FYCO1: variants seen among roughly 807,000 people sequenced by gnomAD.
FYCO1 encodes the protein FYVE and coiled-coil domain-containing protein 1.
Under a neutral mutation model 165.1 loss-of-function variants are expected in FYCO1, and 122 were observed. That is an observed-to-expected ratio of 0.74 (90% CI 0.64 to 0.86). The LOEUF (loss-of-function observed/expected upper bound fraction) is 0.86, where lower values mean the gene tolerates loss of function less well. FYCO1 is among the 40% of genes least tolerant of loss of function. The pLI is 0.00. For missense variants in FYCO1, 1,702 were observed against 1,810.3 expected, an observed-to-expected ratio of 0.94 and a Z score of 1.09; for synonymous variants, 648 against 742.5, an observed-to-expected ratio of 0.87 and a Z score of 2.07.
In FYCO1 at chr3:45,931,231, C is replaced by T. The variant is rs771421341; in HGVS notation, c.4091G>A (p.Ser1364Asn). Reference protein sequence around the residue: ...VDEIASFGEGSRELFVRSSTY... With the variant: ...VDEIASFGEGNRELFVRSSTY... ...GCTGGACCTCACAAACAGCTCCCTG[C>T]TACCCTCCCCGAAGCTGGCGATCTC... Residue 1364 changes from serine (S) to asparagine (N), a missense_variant, in exon 16 of 18, where the codon AGC becomes AAC. Coordinates refer to ENST00000296137, the MANE Select transcript of FYCO1 (RefSeq NM_024513.4). The T allele has an allele frequency of 1.1e-5, 17 of 1,613,894 alleles. No homozygotes were observed. The highest frequency in any genetic ancestry group is 7.7e-5 in the South Asian group (7 of 91,084).
chr3:45,961,592 T>A (rs1418409443), intron 11 of FYCO1, among the ~76,000 whole-genome samples: 2 of 151,168 alleles, frequency 1.3e-5, no homozygotes, highest in South Asian at 2.1e-4. Flanking sequence ...AAAAAAAAAA[T>A]TCAAAAAATA....
chr3:45,959,015 T>A (rs1430436972), intron 12 of FYCO1, among the ~76,000 whole-genome samples: 2 of 152,222 alleles, frequency 1.3e-5, no homozygotes, highest in African/African-American at 4.8e-5. Flanking sequence ...CTGGCCTTCA[T>A]GCCCCTGGCA....
chr3:45,935,660 C>T (rs1020972539), intron 15 of FYCO1, among the ~76,000 whole-genome samples: 2 of 152,334 alleles, frequency 1.3e-5, no homozygotes, highest in Non-Finnish European at 1.5e-5. Context: ...TCCCTGTTAT[C>T]CTACTTTATC....
In FYCO1 at chr3:45,993,105, TC is replaced by T. The variant is rs1707636685; in HGVS notation, c.-113+2616del. ...ACAATACTATACCCAAACCACAGATTCTCCTTAAGTCTTTCATCAGAACCAC... is the reference window on the plus strand; with the variant it reads ...ACAATACTATACCCAAACCACAGATTTCCTTAAGTCTTTCATCAGAACCAC... On this transcript the variant is annotated intron_variant, in intron 1 of 17. Coordinates refer to ENST00000296137, the MANE Select transcript of FYCO1 (RefSeq NM_024513.4). The surrounding 1 kb of genome is among the most constrained non-coding windows in gnomAD (Gnocchi z 4.4). Among the ~76,000 whole-genome samples, 3 of 152,000 alleles carry T rather than the reference TC, an allele frequency of 2.0e-5. No homozygotes were observed. In the South Asian group the frequency reaches 6.2e-4, roughly 32 times the overall value.
At chr3:45,992,484 T>TGGGGCC in intron 1 of FYCO1, among the ~76,000 whole-genome samples, 1 of 152,340 alleles carries the variant, frequency 6.6e-6, no homozygotes, top group East Asian at 1.9e-4. Flanking sequence ...TCAGACTAGT[T>TGGGGCC]ACGTGAACTT....
chr3:45,984,985 G>T lies in FYCO1; in HGVS notation c.-75C>A. 3 of 1,454,042 alleles carry T rather than the reference G, an allele frequency of 2.1e-6. No individual in the cohort carries two copies. The highest frequency in any genetic ancestry group is 2.9e-6 in the Non-Finnish European group (3 of 1,034,304). The allele number at this position is 1,454,042 out of a possible 1,614,324, so 90.1% of individuals were successfully genotyped here. ...AGGCTCAGAATTTCGGCCCTCGGTG[G>T]CTGTCTGCTCAGCAGTGGTCAGACT... On this transcript the variant is annotated 5_prime_UTR_variant, in exon 2 of 18. Coordinates refer to ENST00000296137, the MANE Select transcript of FYCO1 (RefSeq NM_024513.4).
In FYCO1 at chr3:45,966,344, T is replaced by C. The variant is rs915229845; in HGVS notation, c.2990A>G (p.His997Arg). The C allele has an allele frequency of 6.2e-7, 1 of 1,614,200 alleles. No homozygotes were observed. Among genetic ancestry groups the C allele is most frequent in the African/African-American group, 1.3e-5 (1 of 75,066 alleles). ...GAACTTGAGGGTGTTGAGCTCCTGGTGTGCAGCCTCTTGGAGGCTCTGGGC... is the reference window on the plus strand; with the variant it reads ...GAACTTGAGGGTGTTGAGCTCCTGGCGTGCAGCCTCTTGGAGGCTCTGGGC... ...QRAQSLQEAA[H>R]QELNTLKFQL... is the part of the protein sequence containing the mutation. The change falls in exon 8 of 18, where the codon CAC (histidine) becomes CGC (arginine). Residue 997 changes from histidine (H) to arginine (R), a missense_variant. Coordinates refer to ENST00000296137, the MANE Select transcript of FYCO1 (RefSeq NM_024513.4).
chr3:45,932,554 A>G (rs1202392862), intron 15 of FYCO1, among the ~76,000 whole-genome samples: 1 of 152,238 alleles, frequency 6.6e-6, no homozygotes. Flanking sequence ...AAAATGTATT[A>G]CTATCCCCTT....
chr3:45,973,226 C>A lies in FYCO1; in HGVS notation c.401G>T (p.Trp134Leu), dbSNP rs1706543402. 2 of 1,614,002 alleles carry A rather than the reference C, an allele frequency of 1.2e-6. No homozygotes were observed. The highest frequency in any genetic ancestry group is 4.5e-5 in the East Asian group (2 of 44,880). The change falls in exon 6 of 18, where the codon TGG (tryptophan) becomes TTG (leucine). Residue 134 changes from tryptophan (W) to leucine (L), a missense_variant. Coordinates refer to ENST00000296137, the MANE Select transcript of FYCO1 (RefSeq NM_024513.4). ...CFMNTKVTSD[W>L]YYARSPFLQP... Reference sequence around the variant, plus strand: ...CAGAAAGGGGCTTCTTGCATAGTACCAGTCACTGCAGAAAAACATGTCAAT... The same window carrying A: ...CAGAAAGGGGCTTCTTGCATAGTACAAGTCACTGCAGAAAAACATGTCAAT...
At chr3:45,955,159 C>CA in intron 14 of FYCO1, 90 bp downstream of exon 14, 1 of 1,446,566 alleles carries the variant, frequency 6.9e-7, no homozygotes, top group South Asian at 1.1e-5. Flanking sequence ...ATCCTGCTTC[C>CA]AGTGTCTCAC....
rs56184849 is a variant in FYCO1, at chr3:45,944,787, G to A, written c.3945-8244C>T. Among the ~76,000 whole-genome samples, 546 of 152,286 alleles carry A rather than the reference G, an allele frequency of 3.6e-3. 4 individuals carry two copies. Among genetic ancestry groups the A allele is most frequent in the African/African-American group, 0.013 (522 of 41,558 alleles). ...CTGGAACAGGAAGATACCAAAAAAA[G>A]GCGAGAGCGAGTCAAGCAATAATGG... On this transcript the variant is annotated intron_variant, in intron 14 of 17. Coordinates refer to ENST00000296137, the MANE Select transcript of FYCO1 (RefSeq NM_024513.4).
intron 2 of FYCO1, among the ~76,000 whole-genome samples, chr3:45,983,231 G>A (rs1707141199): frequency 6.6e-6 from 1 of 152,146 alleles, no homozygotes; most frequent in African/African-American, 2.4e-5. Flanking sequence ...GCACACCCCT[G>A]CCTGACTCCA....
rs780853002 is a variant in FYCO1 at position 45,975,364 on chromosome 3, A to C, written c.289-19T>G. On this transcript the variant is annotated intron_variant, in intron 4 of 17. Coordinates refer to ENST00000296137, the MANE Select transcript of FYCO1 (RefSeq NM_024513.4). ...TTCGGAGCTGGAAAAAGCAGATTACATAGAGCCAAAGAGCTGTCAGCCTAA... is the reference window on the plus strand; with the variant it reads ...TTCGGAGCTGGAAAAAGCAGATTACCTAGAGCCAAAGAGCTGTCAGCCTAA... The C allele has an allele frequency of 6.3e-6, 10 of 1,577,828 alleles. No homozygotes were observed. In the African/African-American group the frequency reaches 1.1e-4, roughly 17 times the overall value.
chr3:45,955,437 T>C, intron 13 of FYCO1, 44 bp from the exon 14 acceptor site: 2 of 1,611,930 alleles, frequency 1.2e-6, no homozygotes, highest in Non-Finnish European at 1.7e-6. Context: ...CACAACACAC[T>C]GTTATGCATA....
chr3:45,937,712 A>C (rs1703978193), intron 14 of FYCO1, among the ~76,000 whole-genome samples: 1 of 152,222 alleles, frequency 6.6e-6, no homozygotes, highest in Admixed American at 6.5e-5. Flanking sequence ...GGAAGAACGC[A>C]GGCTGCAGCA....
chr3:45,955,330 A>AATTCC lies in FYCO1; in HGVS notation c.3858_3862dup (p.Leu1288TrpfsTer37), dbSNP rs1240503246. ...GGAGCCGGACTCCTGTATCTGGCAC[A>AATTCC]ATTCCTCATCTGTGATGATATCAAA... On this transcript the variant is annotated frameshift_variant, in exon 14 of 18. Coordinates refer to ENST00000296137, the MANE Select transcript of FYCO1 (RefSeq NM_024513.4). LOFTEE classifies it high-confidence loss of function. 2 of 1,614,168 alleles carry AATTCC rather than the reference A, an allele frequency of 1.2e-6. No homozygotes were observed. Among genetic ancestry groups the AATTCC allele is most frequent in the South Asian group, 2.2e-5 (2 of 91,080 alleles).
chr3:45,929,999 C>T (rs546777927), intron 16 of FYCO1, among the ~76,000 whole-genome samples: 77 of 152,316 alleles, frequency 5.1e-4, no homozygotes, highest in Non-Finnish European at 8.8e-4. Flanking sequence ...CCCTCGAGGG[C>T]ACCCAGTGGA....
At chr3:45,934,032 A>G (rs1457109235) in intron 15 of FYCO1, among the ~76,000 whole-genome samples, 1 of 152,220 alleles carries the variant, frequency 6.6e-6, no homozygotes, top group Non-Finnish European at 1.5e-5. Flanking sequence ...CTGAATAAAG[A>G]TGACAGTTAT....
chr3:45,952,476 G>GC (rs1212214566), intron 14 of FYCO1, among the ~76,000 whole-genome samples: 1 of 152,164 alleles, frequency 6.6e-6, no homozygotes, highest in Non-Finnish European at 1.5e-5. Flanking sequence ...AAAAGTGTCT[G>GC]ACAACGCAGC....
Sources: gnomAD v4.1 joint callset for allele counts (sites outside exome capture counted in the v4.1 genomes callset) on GRCh38, gnomAD v4.1.1 for gene constraint, Gnocchi (gnomAD v3.1) non-coding constraint, MANE v1.5 for transcripts, NCBI Gene and HGNC (gene_info 2026-07-23, HGNC 2026-07-21) for gene names.